The following UBE2E2 variants were observed in gnomAD, a reference collection of about 807,000 sequenced individuals.
UBE2E2 encodes ubiquitin-conjugating enzyme E2 E2.
A neutral mutation model predicts 24.7 loss-of-function variants in UBE2E2; 6 were observed. The ratio of observed to expected loss-of-function variants is 0.24; its 90% CI spans 0.13 to 0.48. UBE2E2 has a LOEUF of 0.48. UBE2E2 is among the 20% of genes least tolerant of loss of function. The pLI is 0.99. For missense variants in UBE2E2, 169 were observed against 245.0 expected (o/e 0.69, Z 2.07); for synonymous variants, 104 against 83.6 (o/e 1.24, Z -1.33).
intron 3 of UBE2E2, among the ~76,000 whole-genome samples, chr3:23,351,737 G>A (rs1279853355): frequency 6.6e-6 from 1 of 151,298 alleles, no homozygotes; most frequent in Non-Finnish European, 1.5e-5. Flanking sequence ...CATAAAGCAA[G>A]TCCTTAGTGA....
chr3:23,241,457 C>T (rs879278960), intron 3 of UBE2E2, among the ~76,000 whole-genome samples: 3 of 152,126 alleles, frequency 2.0e-5, no homozygotes, highest in Non-Finnish European at 2.9e-5. Context: ...GATCAGGGCC[C>T]CCTTTGTCTC....
chr3:23,536,399 CT>C, intron 5 of UBE2E2, among the ~76,000 whole-genome samples: 1 of 152,164 alleles, frequency 6.6e-6, no homozygotes, highest in East Asian at 1.9e-4. Flanking sequence ...GTGTATAGGT[CT>C]GTATATCATC....
chr3:23,393,291 A>C (rs975074029), intron 3 of UBE2E2, among the ~76,000 whole-genome samples: 1 of 152,222 alleles, frequency 6.6e-6, no homozygotes, highest in Non-Finnish European at 1.5e-5. Flanking sequence ...GACTCCCAAA[A>C]GTATCAGATA....
intron 3 of UBE2E2, among the ~76,000 whole-genome samples, chr3:23,337,636 G>A (rs1050552496): frequency 4.6e-5 from 7 of 152,284 alleles, no homozygotes; most frequent in Admixed American, 4.6e-4. Context: ...GAGTTAGCAG[G>A]ACTAAGGCGG....
At chr3:23,540,029 A>C (rs181424437) in intron 5 of UBE2E2, among the ~76,000 whole-genome samples, 121 of 152,102 alleles carry the variant, frequency 8.0e-4, no homozygotes, top group Non-Finnish European at 7.5e-4. Flanking sequence ...ACCTATATTT[A>C]GTAAGGTTTA....
At chr3:23,582,860 AGT>A (rs58053821) in intron 5 of UBE2E2, among the ~76,000 whole-genome samples, 3,704 of 116,608 alleles carry the variant, frequency 0.032, 86 homozygotes, top group African/African-American at 0.078. Context: ...TATTCTGTTG[AGT>A]GTGTGTGTGT....
intron 3 of UBE2E2, among the ~76,000 whole-genome samples, chr3:23,469,992 C>T (rs1022849146): frequency 3.3e-5 from 5 of 152,162 alleles, no homozygotes; most frequent in African/African-American, 1.2e-4. Flanking sequence ...TTTCAAGGCT[C>T]CAGTAATACT....
At chr3:23,328,548 A>G (rs918278064) in intron 3 of UBE2E2, among the ~76,000 whole-genome samples, 3 of 152,030 alleles carry the variant, frequency 2.0e-5, no homozygotes, top group Non-Finnish European at 2.9e-5. Flanking sequence ...ATATAAATGC[A>G]TTTTTGACTT....
chr3:23,471,631 A>G (rs1330952357), intron 3 of UBE2E2, among the ~76,000 whole-genome samples: 1 of 152,256 alleles, frequency 6.6e-6, no homozygotes, highest in Non-Finnish European at 1.5e-5. Context: ...TCAGTTTGAT[A>G]GTGCTAAAGC....
At chr3:23,265,722 G>A (rs1455095027) in intron 3 of UBE2E2, among the ~76,000 whole-genome samples, 3 of 152,018 alleles carry the variant, frequency 2.0e-5, no homozygotes, top group African/African-American at 7.2e-5. Context: ...CCACTTGGAG[G>A]TCTGTCTAAT....
At position 23,255,506 on chromosome 3, in the gene UBE2E2, A is replaced by G. The variant is rs184826150; in HGVS notation, c.227+38194A>G. Among the ~76,000 whole-genome samples the G allele has an allele frequency of 1.6e-3, 241 of 152,314 alleles. 1 individual carries two copies. Among genetic ancestry groups the G allele is most frequent in the Non-Finnish European group, 2.6e-3 (175 of 68,024 alleles). The stretch of plus-strand genomic sequence containing the variant: ...TATTTATTAATGATTTGCTGTGTCA[A>G]CAGAGAGCAAACATTTAGGGATTTA... On this transcript the variant is annotated intron_variant, in intron 3 of 5. Coordinates refer to ENST00000396703, the MANE Select transcript of UBE2E2 (RefSeq NM_152653.4).
At chr3:23,394,227 G>A (rs1311356937) in intron 3 of UBE2E2, among the ~76,000 whole-genome samples, 1 of 152,122 alleles carries the variant, frequency 6.6e-6, no homozygotes, top group African/African-American at 2.4e-5. Flanking sequence ...AATTTACCTG[G>A]TTCTTTTTGT....
intron 3 of UBE2E2, among the ~76,000 whole-genome samples, chr3:23,370,149 C>T (rs1004461097): frequency 4.6e-5 from 7 of 152,138 alleles, no homozygotes; most frequent in East Asian, 3.9e-4. Flanking sequence ...TTTAGTGGCC[C>T]TAAGAAGCCT....
At chr3:23,404,870 T>C (rs1241087004) in intron 3 of UBE2E2, among the ~76,000 whole-genome samples, 1 of 152,216 alleles carries the variant, frequency 6.6e-6, no homozygotes, top group Non-Finnish European at 1.5e-5. Context: ...TATTATGCAG[T>C]TACAAGTATA....
intron 3 of UBE2E2, among the ~76,000 whole-genome samples, chr3:23,290,423 G>T (rs559770102): frequency 2.6e-5 from 4 of 152,302 alleles, no homozygotes; most frequent in South Asian, 4.1e-4. Flanking sequence ...CTGGGATGGG[G>T]CCTAAGATTC....
At chr3:23,347,199 C>G (rs890615010) in intron 3 of UBE2E2, among the ~76,000 whole-genome samples, 4 of 152,220 alleles carry the variant, frequency 2.6e-5, no homozygotes, top group African/African-American at 9.7e-5. Context: ...CATCCCATTA[C>G]TGGGTGTATA....
At chr3:23,268,846 G>A (rs868066939) in intron 3 of UBE2E2, among the ~76,000 whole-genome samples, 44 of 151,968 alleles carry the variant, frequency 2.9e-4, no homozygotes, top group Admixed American at 7.9e-4. Context: ...TACTGGTACC[G>A]AAACAGAGAT....
At chr3:23,365,422 CA>C (rs1417280004) in intron 3 of UBE2E2, among the ~76,000 whole-genome samples, 3 of 152,196 alleles carry the variant, frequency 2.0e-5, no homozygotes, top group African/African-American at 7.2e-5. Flanking sequence ...AGTAAAGTCT[CA>C]GAAGACAAAA....
chr3:23,572,683 G>A (rs2125513492), intron 5 of UBE2E2, among the ~76,000 whole-genome samples: 1 of 152,268 alleles, frequency 6.6e-6, no homozygotes, highest in South Asian at 2.1e-4. Flanking sequence ...GTGGCCTTCA[G>A]CTGCATCCAT....
Sources: allele counts gnomAD v4.1 joint callset (sites outside exome capture counted in the v4.1 genomes callset), GRCh38; gene constraint gnomAD v4.1.1; transcripts MANE v1.5; gene names NCBI Gene and HGNC (gene_info 2026-07-23, HGNC 2026-07-21).